The following CRACDL variants were observed in gnomAD, a reference collection of about 807,000 sequenced individuals.
CRACDL encodes the protein CRACD like.
Under a neutral mutation model 70.6 loss-of-function variants are expected in CRACDL, and 26 were observed. That is an observed-to-expected ratio of 0.37 (90% CI 0.27 to 0.51). The LOEUF (loss-of-function observed/expected upper bound fraction) is 0.51, where lower values mean the gene tolerates loss of function less well. Among genes scored for constraint, CRACDL ranks in the 20% least tolerant of loss-of-function variants. The pLI is 0.94. For synonymous variants in CRACDL, 618 were observed against 615.2 expected, an observed-to-expected ratio of 1.00 and a Z score of -0.07; for missense variants, 1,283 against 1,376.9, an observed-to-expected ratio of 0.93 and a Z score of 1.08.
chr2:98,863,745 C>T (rs1197261826), intron 1 of CRACDL, among the ~76,000 whole-genome samples: 1 of 152,130 alleles, frequency 6.6e-6, no homozygotes, highest in East Asian at 1.9e-4. Flanking sequence ...AACTTAATGA[C>T]ATTTTCAATT....
intron 1 of CRACDL, among the ~76,000 whole-genome samples, chr2:98,876,252 G>C (rs1707486027): frequency 6.6e-6 from 1 of 152,182 alleles, no homozygotes; most frequent in Non-Finnish European, 1.5e-5. Flanking sequence ...AAATCACCTT[G>C]AAAGTTTAGT....
intron 5 of CRACDL, among the ~76,000 whole-genome samples, chr2:98,828,962 TA>T (rs933875313): frequency 2.6e-5 from 4 of 152,184 alleles, no homozygotes; most frequent in African/African-American, 7.2e-5. Flanking sequence ...TGTGTACATT[TA>T]AAAATAAGCA....
rs1173322192 is a variant in CRACDL, at chr2:98,866,475, C to CTTTTTTTTTTTTT, written c.-10-19678_-10-19666dup. 6.2e-4 allele frequency among the ~76,000 whole-genome samples: 27 copies of CTTTTTTTTTTTTT among 43,262 alleles called. 1 individual carries two copies. Among genetic ancestry groups the CTTTTTTTTTTTTT allele is most frequent in the African/African-American group, 2.2e-3 (22 of 9,994 alleles). The allele number at this position is 43,262 out of a possible 152,430, so 28.4% of individuals were successfully genotyped here. Reference sequence around the variant, plus strand: ...CTGATAGATGAAACAATCACTTCTTCTTTTTTTTTTTTTTTTTTTTTTTTT... The same window carrying CTTTTTTTTTTTTT: ...CTGATAGATGAAACAATCACTTCTTCTTTTTTTTTTTTTTTTTTTTTTTTTTTTTTTTTTTTTT... On this transcript the variant is annotated intron_variant, in intron 1 of 9. Transcript: ENST00000397899.
At chr2:98,889,021 G>A (rs916782078) in intron 1 of CRACDL, among the ~76,000 whole-genome samples, 10 of 151,804 alleles carry the variant, frequency 6.6e-5, no homozygotes, top group East Asian at 3.9e-4. Context: ...CCAGCTACTC[G>A]GGAGGCTGAG....
At chr2:98,902,412 C>A (rs1344702483) in intron 1 of CRACDL, among the ~76,000 whole-genome samples, 1 of 152,134 alleles carries the variant, frequency 6.6e-6, no homozygotes, top group African/African-American at 2.4e-5. Context: ...AGACCTTTCC[C>A]TTGAGGACTC....
chr2:98,858,329 A>T (rs749197434), intron 1 of CRACDL, among the ~76,000 whole-genome samples: 4 of 152,106 alleles, frequency 2.6e-5, no homozygotes, highest in Non-Finnish European at 5.9e-5. Context: ...AGTCTGGCCA[A>T]CATGGTGAAA....
intron 2 of CRACDL, among the ~76,000 whole-genome samples, chr2:98,843,997 T>G (rs944399131): frequency 2.6e-5 from 4 of 152,180 alleles, no homozygotes; most frequent in Non-Finnish European, 5.9e-5. Flanking sequence ...TTATTTCACC[T>G]CTATGGACTT....
intron 1 of CRACDL, among the ~76,000 whole-genome samples, chr2:98,901,576 C>T (rs1014376025): frequency 4.6e-5 from 7 of 152,194 alleles, no homozygotes; most frequent in African/African-American, 7.2e-5. Flanking sequence ...GGATGTGTGA[C>T]GGGATCTCAC....
At chr2:98,880,919 C>G (rs1573134810) in intron 1 of CRACDL, among the ~76,000 whole-genome samples, 1 of 152,230 alleles carries the variant, frequency 6.6e-6, no homozygotes, top group South Asian at 2.1e-4. Flanking sequence ...GCTGCTGTGG[C>G]TGAAGGAGAA....
Position 98,822,917 on chromosome 2 carries a change from C to A in CRACDL, c.1356G>T (p.Gly452=). ...CGGGCTCAGGCGCCGGCCCTGGGGG[C>A]CCCTTCTCCTCATCCGGGAGCACGG... The part of the protein sequence containing the change: ...TPPVLPDEEK[G]PPGPAPEPER... Residue 452 remains glycine (G), a synonymous_variant, in exon 7 of 10, where the codon GGG becomes GGT. Coordinates refer to ENST00000397899, the MANE Select transcript of CRACDL (RefSeq NM_207362.3). The surrounding 1 kb of genome is among the most constrained non-coding windows in gnomAD (Gnocchi z 4.9). 6.8e-7 allele frequency: 1 copy of A among 1,471,408 alleles called. No homozygotes were observed. The highest frequency in any genetic ancestry group is 8.9e-7 in the Non-Finnish European group (1 of 1,120,502). The allele number at this position is 1,471,408 out of a possible 1,614,324, so 91.1% of individuals were successfully genotyped here.
intron 1 of CRACDL, among the ~76,000 whole-genome samples, chr2:98,882,429 G>A (rs1707676848): frequency 6.6e-6 from 1 of 152,246 alleles, no homozygotes; most frequent in Admixed American, 6.5e-5. Context: ...TTCAGGCCCA[G>A]GAGAGTGAAG....
At chr2:98,889,275 GAA>G (rs1707889160) in intron 1 of CRACDL, among the ~76,000 whole-genome samples, 1 of 141,330 alleles carries the variant, frequency 7.1e-6, no homozygotes, top group Non-Finnish European at 1.6e-5. Context: ...GAAAGAAACA[GAA>G]AAAGAGAGAG....
At position 98,874,486 on chromosome 2, in the gene CRACDL, G is replaced by A. The variant is rs570340092; in HGVS notation, c.-10-27676C>T. ...GCTGGGCAGAATCATTGCACCTTGC[G>A]CCTCGTGGGGCCAGTCTCCCTCCGC... On this transcript the variant is annotated intron_variant, in intron 1 of 9. Coordinates refer to ENST00000397899, the MANE Select transcript of CRACDL (RefSeq NM_207362.3). Among the ~76,000 whole-genome samples the A allele has an allele frequency of 2.0e-3, 309 of 152,318 alleles. 1 individual carries two copies. Among genetic ancestry groups the A allele is most frequent in the Non-Finnish European group, 3.7e-3 (252 of 68,026 alleles).
intron 2 of CRACDL, chr2:98,840,536 T>G (rs1705982901): frequency 6.6e-6 from 1 of 152,202 alleles, no homozygotes; most frequent in Non-Finnish European, 1.5e-5. Context: ...CCAAGTATTT[T>G]ATATCTTTAC....
intron 9 of CRACDL, 30 bp downstream of exon 9, chr2:98,796,090 A>C: frequency 6.3e-7 from 1 of 1,595,978 alleles, no homozygotes; most frequent in Non-Finnish European, 8.6e-7. Context: ...ATGATTTCAA[A>C]GTATGTGGTA....
In CRACDL at chr2:98,933,882, C is replaced by T. The variant is rs1573220113; in HGVS notation, c.-11+2056G>A. Reference sequence around the variant, plus strand: ...CAACAGACATTTATTCCTTGCAGTTCCAGAGGCTGGAAGTCCAAGATCAAG... The same window carrying T: ...CAACAGACATTTATTCCTTGCAGTTTCAGAGGCTGGAAGTCCAAGATCAAG... On this transcript the variant is annotated intron_variant, in intron 1 of 9. Coordinates refer to ENST00000397899, the MANE Select transcript of CRACDL (RefSeq NM_207362.3). 2.6e-5 allele frequency among the ~76,000 whole-genome samples: 4 copies of T among 152,142 alleles called. No homozygotes were observed. The South Asian group carries it at 8.3e-4, about 32-fold the overall frequency.
At chr2:98,906,744 G>C (rs1420066935) in intron 1 of CRACDL, among the ~76,000 whole-genome samples, 1 of 152,140 alleles carries the variant, frequency 6.6e-6, no homozygotes, top group African/African-American at 2.4e-5. Flanking sequence ...TGCCTGTCTA[G>C]TGATTTTTTT....
chr2:98,848,467 C>T (rs1706350955), intron 1 of CRACDL, among the ~76,000 whole-genome samples: 1 of 152,056 alleles, frequency 6.6e-6, no homozygotes, highest in Non-Finnish European at 1.5e-5. Context: ...CCATCTGTTC[C>T]CCTCAGTGCC....
chr2:98,850,693 C>A (rs1706446638), intron 1 of CRACDL, among the ~76,000 whole-genome samples: 2 of 152,182 alleles, frequency 1.3e-5, no homozygotes, highest in African/African-American at 4.8e-5. Flanking sequence ...ATGAACTTAC[C>A]AGAGGGCTGA....
Sources: allele counts gnomAD v4.1 joint callset (sites outside exome capture counted in the v4.1 genomes callset), GRCh38; gene constraint gnomAD v4.1.1; non-coding constraint Gnocchi (gnomAD v3.1); transcripts MANE v1.5; gene names NCBI Gene and HGNC (gene_info 2026-07-23, HGNC 2026-07-21).